CELSR1: variants seen among roughly 807,000 people sequenced by gnomAD.
CELSR1 encodes adhesion G protein-coupled receptor C1.
Under a neutral mutation model 249.1 loss-of-function variants are expected in CELSR1, and 110 were observed. That is an observed-to-expected ratio of 0.44 (90% CI 0.38 to 0.52). The LOEUF (loss-of-function observed/expected upper bound fraction) is 0.52. CELSR1 is among the 20% of genes least tolerant of loss of function. CELSR1 has a pLI of 0.00. For synonymous variants in CELSR1, 2,113 were observed against 1,900.0 expected, an observed-to-expected ratio of 1.11 and a Z score of -2.92; for missense variants, 4,109 against 4,296.4, an observed-to-expected ratio of 0.96 and a Z score of 1.22.
chr22:46,518,052 G>A lies in CELSR1; in HGVS notation c.3544+15575C>T, dbSNP rs1251651973. 1.3e-5 allele frequency among the ~76,000 whole-genome samples: 2 copies of A among 151,970 alleles called. No homozygotes were observed. Among genetic ancestry groups the A allele is most frequent in the African/African-American group, 2.4e-5 (1 of 41,308 alleles). On this transcript the variant is annotated intron_variant, in intron 1 of 34. Transcript: ENST00000674500. The surrounding 1 kb of genome is among the most constrained non-coding windows in gnomAD (Gnocchi z 5.2). ...CAAGTAGCTGGGATTACAGTCATGT[G>A]CCACCACACCCGGGTAATTTTTTTG...
rs992403978 is a variant in CELSR1, at chr22:46,464,633, C to A, written c.3545-288G>T. ...TCACATCTTTCTCTGGCTCCGAATC[C>A]CTCAGAGGGCCCCAAGGTGCTCAGC... is the stretch of plus-strand genomic sequence containing the variant. On this transcript the variant is annotated intron_variant, in intron 1 of 34. Transcript: ENST00000674500. This position sits in a 1 kb window ranked among gnomAD's most constrained non-coding sequence, Gnocchi z 8.5. 1.3e-5 allele frequency among the ~76,000 whole-genome samples: 2 copies of A among 152,128 alleles called. No homozygotes were observed. The highest frequency in any genetic ancestry group is 2.9e-5 in the Non-Finnish European group (2 of 68,008).
Position 46,471,930 on chromosome 22 carries a change from T to C in CELSR1, c.3545-7585A>G, listed in dbSNP as rs1040484235. 6.6e-6 allele frequency among the ~76,000 whole-genome samples: 1 copy of C among 152,162 alleles called. No homozygotes were observed. Among genetic ancestry groups the C allele is most frequent in the African/African-American group, 2.4e-5 (1 of 41,434 alleles). On this transcript the variant is annotated intron_variant, in intron 1 of 34. Transcript: ENST00000674500. This position sits in a 1 kb window ranked among gnomAD's most constrained non-coding sequence, Gnocchi z 4.9. ...GTGATGACGACTTTCTGCCTCACGC[T>C]GTCCCCCGTGGTTTCATTTCTGTGT... is the stretch of plus-strand genomic sequence containing the variant.
At position 46,500,360 on chromosome 22, in the gene CELSR1, CT is replaced by C; in HGVS notation, c.3544+33266del. Reference sequence around the variant, plus strand: ...TTTATATGGAGCCGCTGACAGCCCCCTCCCCCATGGCGCAGAGATCACATTT... The same window carrying C: ...TTTATATGGAGCCGCTGACAGCCCCCCCCCCATGGCGCAGAGATCACATTT... On this transcript the variant is annotated intron_variant, in intron 1 of 34. Coordinates refer to ENST00000674500, the MANE Select transcript of CELSR1 (RefSeq NM_001378328.1). This position sits in a 1 kb window ranked among gnomAD's most constrained non-coding sequence, Gnocchi z 4.9. Among the ~76,000 whole-genome samples the C allele has an allele frequency of 6.6e-6, 1 of 152,342 alleles. No individual in the cohort carries two copies. The highest frequency in any genetic ancestry group is 1.9e-4 in the East Asian group (1 of 5,180).
Position 46,481,481 on chromosome 22 carries a change from C to T in CELSR1, c.3545-17136G>A, listed in dbSNP as rs1555927175. On this transcript the variant is annotated intron_variant, in intron 1 of 34. Coordinates refer to ENST00000674500, the MANE Select transcript of CELSR1 (RefSeq NM_001378328.1). ...GCATCTATTGAATCTTTGGCTTTGT[C>T]GTTGCAATGCGTGGTGCACCGGACC... The T allele has an allele frequency of 3.9e-6, 6 of 1,550,844 alleles. No homozygotes were observed. In the South Asian group the frequency reaches 4.7e-5, roughly 12 times the overall value.
chr22:46,375,290 A>G (rs1456771023), intron 24 of CELSR1, among the ~76,000 whole-genome samples: 2 of 152,026 alleles, frequency 1.3e-5, no homozygotes, highest in African/African-American at 4.8e-5. Context: ...TGGCCTCTGC[A>G]GGTGTCCCAT....
chr22:46,421,619 C>T (rs74670980), intron 5 of CELSR1, among the ~76,000 whole-genome samples: 2 of 152,126 alleles, frequency 1.3e-5, no homozygotes, highest in African/African-American at 4.8e-5. Context: ...CAAGCAGGGC[C>T]CTGCACCACC....
rs911882622 is a variant in CELSR1, at chr22:46,484,379, C to T, written c.3545-20034G>A. On this transcript the variant is annotated intron_variant, in intron 1 of 34. Coordinates refer to ENST00000674500, the MANE Select transcript of CELSR1 (RefSeq NM_001378328.1). The surrounding 1 kb of genome is among the most constrained non-coding windows in gnomAD (Gnocchi z 4.5). ...GCCCAGCCCTCCTCAGAAATGCAGGCTGCAGCATCTGCCAGGAACTTGGAG... is the reference window on the plus strand; with the variant it reads ...GCCCAGCCCTCCTCAGAAATGCAGGTTGCAGCATCTGCCAGGAACTTGGAG... Among the ~76,000 whole-genome samples the T allele has an allele frequency of 6.6e-6, 1 of 152,172 alleles. No homozygotes were observed. Among genetic ancestry groups the T allele is most frequent in the Non-Finnish European group, 1.5e-5 (1 of 68,036 alleles).
Position 46,391,325 on chromosome 22 carries a change from C to A in CELSR1, c.6149-38G>T. 30 of 1,572,902 alleles carry A rather than the reference C, an allele frequency of 1.9e-5. No homozygotes were observed. Among genetic ancestry groups the A allele is most frequent in the Non-Finnish European group, 2.5e-5 (29 of 1,145,384 alleles). ...AGAGAGAAGTCTGCTCAGCGGGGCA[C>A]GCCACACCCACGACCACAAACAGGC... On this transcript the variant is annotated intron_variant, in intron 15 of 34. Coordinates refer to ENST00000674500, the MANE Select transcript of CELSR1 (RefSeq NM_001378328.1). The surrounding 1 kb of genome is among the most constrained non-coding windows in gnomAD (Gnocchi z 4.3).
At chr22:46,439,592 C>T (rs2079717211) in intron 2 of CELSR1, among the ~76,000 whole-genome samples, 181 bp from the exon 3 acceptor site, 1 of 152,170 alleles carries the variant, frequency 6.6e-6, no homozygotes, top group African/African-American at 2.4e-5. Context: ...AAGGACTTGC[C>T]CAGAGCCGTG....
chr22:46,462,421 C>CCT (rs66464873), intron 2 of CELSR1, among the ~76,000 whole-genome samples: 4 of 151,906 alleles, frequency 2.6e-5, no homozygotes, highest in South Asian at 2.1e-4. Context: ...AGCCATCCTT[C>CCT]CTCTCTCTCT....
Position 46,471,897 on chromosome 22 carries a change from G to C in CELSR1, c.3545-7552C>G, listed in dbSNP as rs191570715. On this transcript the variant is annotated intron_variant, in intron 1 of 34. Coordinates refer to ENST00000674500, the MANE Select transcript of CELSR1 (RefSeq NM_001378328.1). The surrounding 1 kb of genome is among the most constrained non-coding windows in gnomAD (Gnocchi z 4.9). ...CAGTTTTCAGGGGCTGCGGTCTGTGGCCTTCAGGTGATGACGACTTTCTGC... is the reference window on the plus strand; with the variant it reads ...CAGTTTTCAGGGGCTGCGGTCTGTGCCCTTCAGGTGATGACGACTTTCTGC... 5.3e-5 allele frequency among the ~76,000 whole-genome samples: 8 copies of C among 152,280 alleles called. No individual in the cohort carries two copies. In the East Asian group the frequency reaches 1.5e-3, roughly 29 times the overall value.
chr22:46,448,001 G>A lies in CELSR1; in HGVS notation c.4184-8590C>T, dbSNP rs1039222314. The stretch of plus-strand genomic sequence containing the variant: ...CCTCATGGCCTCATGCACCTGCCCC[G>A]CCACTGGGGACCTGTCCCATACCAG... On this transcript the variant is annotated intron_variant, in intron 2 of 34. Coordinates refer to ENST00000674500, the MANE Select transcript of CELSR1 (RefSeq NM_001378328.1). The surrounding 1 kb of genome is among the most constrained non-coding windows in gnomAD (Gnocchi z 5.7). 5.9e-5 allele frequency among the ~76,000 whole-genome samples: 9 copies of A among 152,304 alleles called. 1 individual carries two copies. The East Asian group carries it at 7.7e-4, about 13-fold the overall frequency.
intron 3 of CELSR1, among the ~76,000 whole-genome samples, chr22:46,438,807 G>A (rs796507936): frequency 2.0e-5 from 3 of 152,094 alleles, no homozygotes; most frequent in East Asian, 1.9e-4. Flanking sequence ...TGCCCAGGTC[G>A]GAGTGCAGTG....
At chr22:46,482,914 G>T (rs895401329) in intron 1 of CELSR1, among the ~76,000 whole-genome samples, 34 of 152,134 alleles carry the variant, frequency 2.2e-4, no homozygotes, top group African/African-American at 8.0e-4. Flanking sequence ...CAGACTGATG[G>T]ACAGAAGATG....
intron 2 of CELSR1, among the ~76,000 whole-genome samples, chr22:46,460,384 CAG>C (rs2080011163): frequency 6.6e-6 from 1 of 152,158 alleles, no homozygotes. Context: ...AGAACCTTCT[CAG>C]AGCAGGTGTA....
Position 46,363,065 on chromosome 22 carries a change from TGCCACCATGGGGACC to T in CELSR1, c.*143_*157del. ...GTGTCTGGATGATCAGTCGGGGGGCTGCCACCATGGGGACCGCCACACTCTGGGCCCACTCCACTT... is the reference window on the plus strand; with the variant it reads ...GTGTCTGGATGATCAGTCGGGGGGCTGCCACACTCTGGGCCCACTCCACTT... On this transcript the variant is annotated 3_prime_UTR_variant, in exon 35 of 35. Transcript: ENST00000674500. The surrounding 1 kb of genome is among the most constrained non-coding windows in gnomAD (Gnocchi z 4.3). The T allele has an allele frequency of 6.8e-7, 1 of 1,476,852 alleles. No homozygotes were observed. The highest frequency in any genetic ancestry group is 1.7e-5 in the Admixed American group (1 of 58,562). The allele number at this position is 1,476,852 out of a possible 1,614,324, so 91.5% of individuals were successfully genotyped here.
chr22:46,369,280 C>A, intron 26 of CELSR1, 22 bp from the exon 27 acceptor site: 10 of 1,507,068 alleles, frequency 6.6e-6, no homozygotes, highest in South Asian at 1.1e-5. Context: ...ACAAGCCGAT[C>A]AATGTCTTCT....
chr22:46,431,035 C>T (rs1442345397), intron 5 of CELSR1, among the ~76,000 whole-genome samples: 4 of 152,220 alleles, frequency 2.6e-5, no homozygotes, highest in East Asian at 1.9e-4. Flanking sequence ...ATCTGGCGCT[C>T]GCAGGAAAGG....
chr22:46,489,500 G>A (rs1301978116), intron 1 of CELSR1, among the ~76,000 whole-genome samples: 1 of 151,972 alleles, frequency 6.6e-6, no homozygotes. Context: ...CTTGGATTCT[G>A]AGGGCCCCTG....
Sources: gnomAD v4.1 joint callset for allele counts (sites outside exome capture counted in the v4.1 genomes callset) on GRCh38, gnomAD v4.1.1 for gene constraint, Gnocchi (gnomAD v3.1) non-coding constraint, MANE v1.5 for transcripts, NCBI Gene and HGNC (gene_info 2026-07-23, HGNC 2026-07-21) for gene names.